FAT3: variants seen among roughly 807,000 people sequenced by gnomAD.
The protein encoded by FAT3 is FAT atypical cadherin 3.
FAT3 carries 95 observed loss-of-function variants against 310.2 expected under a neutral mutation model. That is an observed-to-expected ratio of 0.31 (90% CI 0.26 to 0.36). The LOEUF (loss-of-function observed/expected upper bound fraction) is 0.36, where lower values mean the gene tolerates loss of function less well. Ranked by LOEUF, FAT3 falls within the 10% of genes least tolerant of loss-of-function variation. The pLI is 1.00. For synonymous variants in FAT3, 2,314 were observed against 2,192.9 expected, an observed-to-expected ratio of 1.06 and a Z score of -1.54; for missense variants, 5,408 against 5,715.6, an observed-to-expected ratio of 0.95 and a Z score of 1.74.
chr11:92,493,707 C>T (rs1256451028), intron 2 of FAT3, among the ~76,000 whole-genome samples: 1 of 152,058 alleles, frequency 6.6e-6, no homozygotes, highest in African/African-American at 2.4e-5. Context: ...GCTCTGAATC[C>T]TTTAGGATGT....
chr11:92,398,071 G>A (rs1410657713), intron 2 of FAT3, among the ~76,000 whole-genome samples: 2 of 152,054 alleles, frequency 1.3e-5, no homozygotes, highest in Admixed American at 1.3e-4. Context: ...ACTGTTCTAA[G>A]GGAGAATCCT....
chr11:92,382,262 T>C (rs1307018136), intron 2 of FAT3, among the ~76,000 whole-genome samples: 1 of 152,192 alleles, frequency 6.6e-6, no homozygotes, highest in Non-Finnish European at 1.5e-5. Context: ...TAGAAGTGGA[T>C]TTCAGAATTG....
chr11:92,425,429 AC>A (rs1413429937), intron 2 of FAT3, among the ~76,000 whole-genome samples: 11 of 151,934 alleles, frequency 7.2e-5, no homozygotes, highest in Admixed American at 2.0e-4. Flanking sequence ...GGATACACGT[AC>A]AGAACGTGCA....
chr11:92,251,672 T>A (rs1865147745), intron 1 of FAT3, among the ~76,000 whole-genome samples: 1 of 152,144 alleles, frequency 6.6e-6, no homozygotes, highest in Admixed American at 6.5e-5. Flanking sequence ...AGTTATATTT[T>A]TTAATTATGA....
chr11:92,449,644 G>T (rs777169041), intron 2 of FAT3, among the ~76,000 whole-genome samples: 5 of 152,116 alleles, frequency 3.3e-5, no homozygotes, highest in African/African-American at 9.7e-5. Context: ...GAGAAGTTCA[G>T]TAACTTGCAA....
intron 3 of FAT3, among the ~76,000 whole-genome samples, chr11:92,603,966 T>TA (rs1295555090): frequency 1.3e-5 from 2 of 152,200 alleles, no homozygotes; most frequent in African/African-American, 2.4e-5. Flanking sequence ...CCCTACCAAC[T>TA]ACTTATATTC....
At chr11:92,346,277 T>C (rs569923266) in intron 1 of FAT3, among the ~76,000 whole-genome samples, 1 of 152,312 alleles carries the variant, frequency 6.6e-6, no homozygotes, top group South Asian at 2.1e-4. Flanking sequence ...GGACTCATCA[T>C]TGCAAGGAGA....
At chr11:92,553,036 AC>A (rs1954876869) in intron 3 of FAT3, among the ~76,000 whole-genome samples, 1 of 152,106 alleles carries the variant, frequency 6.6e-6, no homozygotes, top group African/African-American at 2.4e-5. Context: ...GAAGATAGAG[AC>A]AGAAAGAAAA....
In FAT3 at chr11:92,587,917, A is replaced by G. The variant is rs142306602; in HGVS notation, c.3607+62969A>G. Among the ~76,000 whole-genome samples the G allele has an allele frequency of 3.1e-3, 473 of 152,168 alleles. 3 individuals carry two copies. The highest frequency in any genetic ancestry group is 0.011 in the African/African-American group (454 of 41,554). On this transcript the variant is annotated intron_variant, in intron 3 of 27. Coordinates refer to ENST00000525166, the MANE Select transcript of FAT3 (RefSeq NM_001367949.2). The stretch of plus-strand genomic sequence containing the variant: ...TAAAGCCAAATCTAAACAAAGGACA[A>G]ATTTGTTCATTGTTCCTTAATAGTG...
chr11:92,532,016 T>C (rs1014920208), intron 3 of FAT3, among the ~76,000 whole-genome samples: 8 of 152,218 alleles, frequency 5.3e-5, no homozygotes, highest in Admixed American at 1.3e-4. Flanking sequence ...TTGAGAACCA[T>C]TGCACTAACG....
intron 3 of FAT3, among the ~76,000 whole-genome samples, chr11:92,696,466 C>G (rs1250939704): frequency 6.6e-6 from 1 of 152,020 alleles, no homozygotes; most frequent in East Asian, 1.9e-4. Flanking sequence ...CTGGAAATAC[C>G]TTTCCACATT....
chr11:92,315,518 G>C (rs964368501), intron 1 of FAT3, among the ~76,000 whole-genome samples: 29 of 91,902 alleles, frequency 3.2e-4, no homozygotes, highest in Non-Finnish European at 5.9e-4. Context: ...TATATAGAGA[G>C]AGAGAGAGAG....
At chr11:92,317,928 A>G (rs923308331) in intron 1 of FAT3, among the ~76,000 whole-genome samples, 1 of 152,202 alleles carries the variant, frequency 6.6e-6, no homozygotes, top group Non-Finnish European at 1.5e-5. Flanking sequence ...CTGTGATGGA[A>G]CTTTGCCCAC....
In FAT3 at chr11:92,430,009, A is replaced by G. The variant is rs552745532; in HGVS notation, c.3292+74605A>G. Among the ~76,000 whole-genome samples the G allele has an allele frequency of 5.3e-5, 8 of 152,334 alleles. No homozygotes were observed. The East Asian group carries it at 1.4e-3, about 26-fold the overall frequency. ...TCCATTCTCCCCATCACTTTCAGGTATACTAATCAAAGGTAGGTTTGGTCT... is the reference window on the plus strand; with the variant it reads ...TCCATTCTCCCCATCACTTTCAGGTGTACTAATCAAAGGTAGGTTTGGTCT... On this transcript the variant is annotated intron_variant, in intron 2 of 27. Transcript: ENST00000525166.
At chr11:92,673,700 C>G (rs536828636) in intron 3 of FAT3, among the ~76,000 whole-genome samples, 4 of 152,108 alleles carry the variant, frequency 2.6e-5, no homozygotes, top group Non-Finnish European at 5.9e-5. Context: ...TTAGCTATGA[C>G]ATGATCTCTA....
At chr11:92,487,706 C>T (rs1337404413) in intron 2 of FAT3, among the ~76,000 whole-genome samples, 1 of 152,176 alleles carries the variant, frequency 6.6e-6, no homozygotes, top group Non-Finnish European at 1.5e-5. Context: ...CTTAATGGCT[C>T]CAAAGCCCAT....
At chr11:92,520,171 A>G (rs887547382) in intron 2 of FAT3, among the ~76,000 whole-genome samples, 4 of 152,106 alleles carry the variant, frequency 2.6e-5, no homozygotes, top group African/African-American at 9.6e-5. Flanking sequence ...GGAATTAACT[A>G]TTGTTATACA....
At position 92,558,519 on chromosome 11, in the gene FAT3, T is replaced by C. The variant is rs1591447444; in HGVS notation, c.3607+33571T>C. Among the ~76,000 whole-genome samples the C allele has an allele frequency of 2.0e-5, 3 of 152,240 alleles. No individual in the cohort carries two copies. The South Asian group carries it at 6.2e-4, about 32-fold the overall frequency. ...GAAATAAGGCTGTCCAATTTATCTC[T>C]GGCACTGAGCAAGCCCTATTTGTCT... On this transcript the variant is annotated intron_variant, in intron 3 of 27. Coordinates refer to ENST00000525166, the MANE Select transcript of FAT3 (RefSeq NM_001367949.2).
At chr11:92,297,295 G>A (rs554642507) in intron 1 of FAT3, among the ~76,000 whole-genome samples, 1 of 152,152 alleles carries the variant, frequency 6.6e-6, no homozygotes, top group African/African-American at 2.4e-5. Context: ...AATTGTTTAT[G>A]CAAATATTTT....
Sources: allele counts gnomAD v4.1 joint callset (sites outside exome capture counted in the v4.1 genomes callset), GRCh38; gene constraint gnomAD v4.1.1; transcripts MANE v1.5; gene names NCBI Gene and HGNC (gene_info 2026-07-23, HGNC 2026-07-21).